AUTS2: variants seen among roughly 807,000 people sequenced by gnomAD.
AUTS2 encodes the protein autism susceptibility gene 2 protein.
Under a neutral mutation model 112.4 loss-of-function variants are expected in AUTS2, and 17 were observed. That is an observed-to-expected ratio of 0.15 (90% CI 0.10 to 0.23). The LOEUF is 0.23. AUTS2 is among the 10% of genes least tolerant of loss of function. The probability of loss-of-function intolerance (pLI) is 1.00; values close to 1 mark genes in which losing one functional copy is unlikely to be tolerated. For missense variants in AUTS2, 1,510 were observed against 1,701.6 expected (o/e 0.89, Z 1.98); for synonymous variants, 751 against 702.7 (o/e 1.07, Z -1.09).
At chr7:70,548,595 G>T (rs954515240) in intron 5 of AUTS2, among the ~76,000 whole-genome samples, 5 of 152,080 alleles carry the variant, frequency 3.3e-5, no homozygotes, top group Non-Finnish European at 5.9e-5. Context: ...TGAAATAAGG[G>T]TCTAGTTCTG....
rs118127738 is a variant in AUTS2, at chr7:70,141,424, C to T, written c.660+6853C>T. Among the ~76,000 whole-genome samples, 1,234 of 152,180 alleles carry T rather than the reference C, an allele frequency of 8.1e-3. 8 individuals are homozygous for T. Among genetic ancestry groups the T allele is most frequent in the Non-Finnish European group, 0.013 (885 of 68,010 alleles). On this transcript the variant is annotated intron_variant, in intron 4 of 18. Transcript: ENST00000342771. ...AATGGTGAGTTTGGAAGTTAGAATA[C>T]GTAGTTAGAAATTTAAGTGTGTATT...
chr7:69,667,176 C>T (rs915778031), intron 1 of AUTS2, among the ~76,000 whole-genome samples: 1 of 152,038 alleles, frequency 6.6e-6, no homozygotes, highest in African/African-American at 2.4e-5. Flanking sequence ...GCCGCTATCC[C>T]TACTCCCACA....
At chr7:69,917,338 G>T (rs71549340) in intron 2 of AUTS2, among the ~76,000 whole-genome samples, 11 of 142,600 alleles carry the variant, frequency 7.7e-5, no homozygotes, top group African/African-American at 2.6e-4. Flanking sequence ...TATCACATCA[G>T]ACTTAATCTA....
In AUTS2 at chr7:69,599,504, C is replaced by G. The variant is rs1792250588; in HGVS notation, c.-150C>G. The G allele has an allele frequency of 1.6e-6, 1 of 616,022 alleles. No homozygotes were observed. Among genetic ancestry groups the G allele is most frequent in the Non-Finnish European group, 2.3e-6 (1 of 431,792 alleles). 38.2% of individuals were successfully genotyped at this position (616,022 alleles called of 1,614,324 possible). A position where few individuals can be genotyped will look rare whatever the true frequency, so the allele number is the denominator to read the frequency against. On this transcript the variant is annotated 5_prime_UTR_variant, in exon 1 of 19. Transcript: ENST00000342771. The surrounding 1 kb of genome is among the most constrained non-coding windows in gnomAD (Gnocchi z 7.0). The stretch of plus-strand genomic sequence containing the variant: ...TTCTCCTCTCTTTCTTCCCCTCTCT[C>G]CCTTCTTTCGGCCGCCGTCTCCCCC...
chr7:69,967,840 TG>T (rs1563002536), intron 2 of AUTS2, among the ~76,000 whole-genome samples: 4 of 152,218 alleles, frequency 2.6e-5, no homozygotes, highest in African/African-American at 9.6e-5. Context: ...AGGGGAAACC[TG>T]CCACCTCCCT....
intron 5 of AUTS2, among the ~76,000 whole-genome samples, chr7:70,649,064 A>G (rs559816251): frequency 6.6e-6 from 1 of 152,150 alleles, no homozygotes; most frequent in South Asian, 2.1e-4. Flanking sequence ...ATATATGTCA[A>G]CCTCAGCTTA....
At chr7:70,357,265 G>A (rs1792054621) in intron 4 of AUTS2, among the ~76,000 whole-genome samples, 1 of 152,128 alleles carries the variant, frequency 6.6e-6, no homozygotes, top group Admixed American at 6.6e-5. Flanking sequence ...ATCCCCAGGT[G>A]CCCAGCTCCT....
At chr7:70,550,557 T>G (rs1800976932) in intron 5 of AUTS2, among the ~76,000 whole-genome samples, 1 of 152,186 alleles carries the variant, frequency 6.6e-6, no homozygotes, top group African/African-American at 2.4e-5. Context: ...TCAAAGAATC[T>G]TTTTTAAAAT....
intron 6 of AUTS2, among the ~76,000 whole-genome samples, chr7:70,742,692 G>A (rs1788187533): frequency 6.6e-6 from 1 of 152,146 alleles, no homozygotes; most frequent in African/African-American, 2.4e-5. Context: ...AACCCGGGAG[G>A]CAGAGGTTGC....
intron 4 of AUTS2, among the ~76,000 whole-genome samples, chr7:70,322,696 A>G (rs2129617953): frequency 6.6e-6 from 1 of 152,246 alleles, no homozygotes; most frequent in East Asian, 1.9e-4. Context: ...GGACCAAACC[A>G]AAGAAATAGG....
At chr7:69,794,878 T>G (rs1015556998) in intron 1 of AUTS2, among the ~76,000 whole-genome samples, 1 of 152,060 alleles carries the variant, frequency 6.6e-6, no homozygotes, top group Admixed American at 6.6e-5. Context: ...ACACGAACCT[T>G]AAAATAGCTC....
chr7:69,643,016 C>T (rs1794859784), intron 1 of AUTS2, among the ~76,000 whole-genome samples: 1 of 152,260 alleles, frequency 6.6e-6, no homozygotes, highest in East Asian at 1.9e-4. Flanking sequence ...ACACGCTTGA[C>T]TATGGAAGCA....
chr7:70,029,885 G>A (rs376886006), intron 2 of AUTS2, among the ~76,000 whole-genome samples: 23 of 152,268 alleles, frequency 1.5e-4, no homozygotes, highest in East Asian at 1.3e-3. Context: ...ACAAAAACAG[G>A]TGGACTATAA....
intron 1 of AUTS2, among the ~76,000 whole-genome samples, chr7:69,871,525 A>G (rs1793496449): frequency 6.6e-6 from 1 of 152,340 alleles, no homozygotes; most frequent in East Asian, 1.9e-4. Flanking sequence ...GCTAACAACA[A>G]TAACAGAGAT....
intron 2 of AUTS2, among the ~76,000 whole-genome samples, chr7:69,924,406 A>G (rs566757717): frequency 3.9e-5 from 6 of 152,122 alleles, no homozygotes; most frequent in African/African-American, 1.2e-4. Flanking sequence ...CTTTTGATCT[A>G]TTTGTCTGGT....
intron 1 of AUTS2, among the ~76,000 whole-genome samples, chr7:69,713,595 G>A (rs1293666276): frequency 6.6e-6 from 1 of 151,702 alleles, no homozygotes; most frequent in Non-Finnish European, 1.5e-5. Context: ...TGACTAGCTG[G>A]GATTACAGGT....
chr7:70,775,526 T>C, intron 13 of AUTS2, 140 bp downstream of exon 13: 2 of 707,554 alleles, frequency 2.8e-6, no homozygotes, highest in East Asian at 2.8e-5. Context: ...GTTTTTCAGA[T>C]AGTGTGATTG....
intron 1 of AUTS2, among the ~76,000 whole-genome samples, chr7:69,772,358 A>G (rs1029842614): frequency 1.3e-5 from 2 of 152,210 alleles, no homozygotes; most frequent in African/African-American, 4.8e-5. Flanking sequence ...TACTTGTTCA[A>G]TAAATGTTTG....
chr7:70,788,207 C>G (rs545632633), intron 18 of AUTS2, among the ~76,000 whole-genome samples: 26 of 152,048 alleles, frequency 1.7e-4, no homozygotes, highest in Non-Finnish European at 3.2e-4. Flanking sequence ...ATATGCTTGA[C>G]AGAAAATACC....
Sources: allele counts gnomAD v4.1 joint callset (sites outside exome capture counted in the v4.1 genomes callset), GRCh38; gene constraint gnomAD v4.1.1; non-coding constraint Gnocchi (gnomAD v3.1); transcripts MANE v1.5; gene names NCBI Gene and HGNC (gene_info 2026-07-23, HGNC 2026-07-21).